Variants in MYO1E observed in about 807,000 individuals in gnomAD.
The protein encoded by MYO1E is myosin IE.
MYO1E carries 68 observed loss-of-function variants against 151.1 expected under a neutral mutation model. The ratio of observed to expected loss-of-function variants is 0.45; its 90% CI spans 0.37 to 0.55. MYO1E has a LOEUF of 0.55. Ranked by LOEUF, MYO1E falls within the 20% of genes least tolerant of loss-of-function variation. MYO1E has a pLI of 0.00. For missense variants in MYO1E, 1,363 were observed against 1,389.3 expected, an observed-to-expected ratio of 0.98 and a Z score of 0.30; for synonymous variants, 601 against 501.7, an observed-to-expected ratio of 1.20 and a Z score of -2.64.
chr15:59,352,087 G>A (rs2080826683), intron 1 of MYO1E, among the ~76,000 whole-genome samples: 1 of 152,192 alleles, frequency 6.6e-6, no homozygotes, highest in Non-Finnish European at 1.5e-5. Context: ...GGCACCCCGG[G>A]TTGATAGGTT....
At chr15:59,372,239 A>G (rs2140448592) in intron 1 of MYO1E, among the ~76,000 whole-genome samples, 1 of 152,154 alleles carries the variant, frequency 6.6e-6, no homozygotes, top group Non-Finnish European at 1.5e-5. Flanking sequence ...GACAGCTGGC[A>G]GCCATAGCAA....
intron 8 of MYO1E, 80 bp from the exon 9 acceptor site, chr15:59,223,271 A>G: frequency 6.4e-7 from 1 of 1,553,212 alleles, no homozygotes; most frequent in Non-Finnish European, 8.9e-7. Context: ...AAGGCACAGC[A>G]GCTGCTCTAA....
chr15:59,339,421 T>G (rs143047868), intron 1 of MYO1E, among the ~76,000 whole-genome samples: 8 of 152,224 alleles, frequency 5.3e-5, no homozygotes, highest in African/African-American at 1.7e-4. Flanking sequence ...TACAAAACCT[T>G]TGACCTAACT....
At chr15:59,347,327 A>AGTGGGGAGTGGAGT in intron 1 of MYO1E, among the ~76,000 whole-genome samples, 1 of 152,196 alleles carries the variant, frequency 6.6e-6, no homozygotes, top group Admixed American at 6.5e-5. Context: ...TTTCTCCCAA[A>AGTGGGGAGTGGAGT]ACCATCCCCA....
chr15:59,341,266 T>C (rs1359351276), intron 1 of MYO1E: 1 of 152,164 alleles, frequency 6.6e-6, no homozygotes, highest in Non-Finnish European at 1.5e-5. Flanking sequence ...TATTATTGAC[T>C]ATAGTCTTTC....
intron 1 of MYO1E, among the ~76,000 whole-genome samples, chr15:59,337,255 A>C (rs1479625817): frequency 6.6e-6 from 1 of 152,202 alleles, no homozygotes; most frequent in Non-Finnish European, 1.5e-5. Flanking sequence ...ATTTCTATTG[A>C]ATAATTTTTA....
At chr15:59,206,087 T>A (rs564158769) in intron 14 of MYO1E, among the ~76,000 whole-genome samples, 2 of 152,008 alleles carry the variant, frequency 1.3e-5, no homozygotes, top group East Asian at 3.9e-4. Flanking sequence ...TCAACTTAAC[T>A]TTTTTATCAT....
chr15:59,253,546 A>G (rs562139253), intron 4 of MYO1E, among the ~76,000 whole-genome samples: 34 of 149,890 alleles, frequency 2.3e-4, no homozygotes, highest in African/African-American at 7.6e-4. Context: ...CAGTGGCGCA[A>G]TCTCAGCTCA....
intron 5 of MYO1E, among the ~76,000 whole-genome samples, chr15:59,236,260 T>C (rs1038349302): frequency 6.6e-6 from 1 of 151,490 alleles, no homozygotes; most frequent in Non-Finnish European, 1.5e-5. Context: ...GGAGAATCTC[T>C]TGAACCCGGG....
intron 16 of MYO1E, among the ~76,000 whole-genome samples, chr15:59,198,840 A>AAC: frequency 6.7e-6 from 1 of 149,602 alleles, no homozygotes; most frequent in Non-Finnish European, 1.5e-5. Context: ...CAAAAAAAAA[A>AAC]CAAACCAAAA....
At chr15:59,362,368 T>C (rs538810613) in intron 1 of MYO1E, among the ~76,000 whole-genome samples, 2 of 152,316 alleles carry the variant, frequency 1.3e-5, no homozygotes, top group African/African-American at 2.4e-5. Context: ...CCAATGAACA[T>C]TTAGATTGTT....
At chr15:59,177,115 C>T (rs192512217) in intron 19 of MYO1E, among the ~76,000 whole-genome samples, 1 of 152,268 alleles carries the variant, frequency 6.6e-6, no homozygotes, top group East Asian at 1.9e-4. Flanking sequence ...ATCACTCCAT[C>T]CCATTTTAGA....
intron 16 of MYO1E, among the ~76,000 whole-genome samples, chr15:59,200,064 T>A (rs1464255232): frequency 1.3e-5 from 2 of 152,158 alleles, no homozygotes; most frequent in Admixed American, 1.3e-4. Context: ...CCTAAACATT[T>A]TGGAAACATC....
chr15:59,138,495 T>G lies in MYO1E; in HGVS notation c.3081-128A>C, dbSNP rs1174805223. On this transcript the variant is annotated intron_variant, in intron 26 of 27. Transcript: ENST00000288235. ...AATCCAGCTCCATCCTTAGAAGACA[T>G]GTGGCCCAGGGTGCAGTCTTTAAAC... The G allele has an allele frequency of 2.9e-6, 3 of 1,021,630 alleles. No homozygotes were observed. The East Asian group carries it at 7.3e-5, about 25-fold the overall frequency. 63.3% of individuals were successfully genotyped at this position (1,021,630 alleles called of 1,614,324 possible).
intron 26 of MYO1E, among the ~76,000 whole-genome samples, chr15:59,151,045 A>ACG (rs1466721343): frequency 1.3e-5 from 1 of 75,448 alleles, no homozygotes; most frequent in Non-Finnish European, 2.7e-5. Context: ...ACACACACAC[A>ACG]CACACGCGCG....
chr15:59,352,342 A>T (rs145424968), intron 1 of MYO1E, among the ~76,000 whole-genome samples: 1 of 152,276 alleles, frequency 6.6e-6, no homozygotes, highest in South Asian at 2.1e-4. Flanking sequence ...TCCTCTGGGG[A>T]AGTGTCCCTG....
At chr15:59,152,315 G>C (rs1167785614) in intron 26 of MYO1E, among the ~76,000 whole-genome samples, 5 of 152,210 alleles carry the variant, frequency 3.3e-5, no homozygotes, top group African/African-American at 9.6e-5. Context: ...TCCTGCACAG[G>C]TCTATTTTGC....
chr15:59,239,204 C>CAAAA lies in MYO1E; in HGVS notation c.333-2536_333-2533dup, dbSNP rs1176332432. 1.3e-3 allele frequency among the ~76,000 whole-genome samples: 174 copies of CAAAA among 138,078 alleles called. 1 individual carries two copies. Among genetic ancestry groups the CAAAA allele is most frequent in the African/African-American group, 4.5e-3 (162 of 36,006 alleles). 90.6% of individuals were successfully genotyped at this position (138,078 alleles called of 152,430 possible). ...CTGGGCAACAAGAATGAAACTGTGT[C>CAAAA]AAAAAATATATATATATATATTTTT... is the stretch of plus-strand genomic sequence containing the variant. On this transcript the variant is annotated intron_variant, in intron 4 of 27. Coordinates refer to ENST00000288235, the MANE Select transcript of MYO1E (RefSeq NM_004998.4).
chr15:59,203,156 G>C (rs1461672553), intron 15 of MYO1E, among the ~76,000 whole-genome samples: 2 of 152,152 alleles, frequency 1.3e-5, no homozygotes, highest in Non-Finnish European at 2.9e-5. Context: ...TCTGAGTCTG[G>C]GCACCATTGG....
Sources: gnomAD v4.1 joint callset for allele counts (sites outside exome capture counted in the v4.1 genomes callset) on GRCh38, gnomAD v4.1.1 for gene constraint, MANE v1.5 for transcripts, NCBI Gene and HGNC (gene_info 2026-07-23, HGNC 2026-07-21) for gene names.